Variants in CCR5AS observed in about 807,000 individuals in gnomAD.
The protein encoded by CCR5AS is CCR5 antisense RNA.
At chr3:46,383,630 G>A (rs888778600) in intron 2 of CCR5AS, among the ~76,000 whole-genome samples, 3 of 152,174 alleles carry the variant, frequency 2.0e-5, no homozygotes, top group Admixed American at 6.5e-5. Flanking sequence ...GGCCAGGGAT[G>A]GCCAGGGGTA....
At chr3:46,388,877 G>A (rs1701884100) in intron 2 of CCR5AS, among the ~76,000 whole-genome samples, 1 of 152,182 alleles carries the variant, frequency 6.6e-6, no homozygotes, top group African/African-American at 2.4e-5. Flanking sequence ...ATTGGAGGGT[G>A]CCCTGTCAGC....
At chr3:46,372,822 T>C in intron 2 of CCR5AS, 1 of 1,068,558 alleles carries the variant, frequency 9.4e-7, no homozygotes, top group Non-Finnish European at 1.4e-6. Flanking sequence ...TATAAAACAG[T>C]TTGCATTCAT....
intron 2 of CCR5AS, among the ~76,000 whole-genome samples, chr3:46,378,539 A>C (rs892729813): frequency 2.0e-5 from 3 of 152,178 alleles, no homozygotes; most frequent in African/African-American, 4.8e-5. Context: ...GCCTTGGGTC[A>C]TACTGCCCCC....
chr3:46,389,530 G>A (rs1701892743), intron 2 of CCR5AS, among the ~76,000 whole-genome samples: 1 of 152,176 alleles, frequency 6.6e-6, no homozygotes, highest in Non-Finnish European at 1.5e-5. Flanking sequence ...AGGACTGGAA[G>A]ATAAAGGCAA....
At chr3:46,396,351 C>A (rs141066205) in intron 1 of CCR5AS, among the ~76,000 whole-genome samples, 1 of 152,130 alleles carries the variant, frequency 6.6e-6, no homozygotes, top group Non-Finnish European at 1.5e-5. Context: ...CTCCTGTGCA[C>A]GTGACTTCCT....
intron 1 of CCR5AS, among the ~76,000 whole-genome samples, chr3:46,406,259 G>A (rs1366679540): frequency 4.6e-5 from 7 of 152,108 alleles, no homozygotes; most frequent in African/African-American, 1.7e-4. Flanking sequence ...GTGGGAAAAG[G>A]ATGTCATTTA....
chr3:46,383,574 A>G (rs1475926592), intron 2 of CCR5AS, among the ~76,000 whole-genome samples: 1 of 152,088 alleles, frequency 6.6e-6, no homozygotes, highest in Non-Finnish European at 1.5e-5. Context: ...GTGCCTATGC[A>G]AAGGAGAGCA....
At chr3:46,369,516 T>A (rs1701633964) in intron 3 of CCR5AS, among the ~76,000 whole-genome samples, 1 of 152,134 alleles carries the variant, frequency 6.6e-6, no homozygotes. Flanking sequence ...TTCTTTCTAT[T>A]CTCCAAGCAC....
intron 1 of CCR5AS, among the ~76,000 whole-genome samples, chr3:46,395,704 C>T (rs909883852): frequency 6.6e-6 from 1 of 152,166 alleles, no homozygotes; most frequent in African/African-American, 2.4e-5. Context: ...ACAACTTCTG[C>T]CCCCAAGCCC....
chr3:46,364,449 GA>G (rs544993019), exon 4 of CCR5AS, among the ~76,000 whole-genome samples: 2 of 152,098 alleles, frequency 1.3e-5, no homozygotes, highest in Non-Finnish European at 2.9e-5. Context: ...CTATTGCTCA[GA>G]AAAAAAGATT....
At chr3:46,387,482 T>A (rs950136999) in intron 2 of CCR5AS, among the ~76,000 whole-genome samples, 1 of 152,174 alleles carries the variant, frequency 6.6e-6, no homozygotes, top group African/African-American at 2.4e-5. Context: ...ATTCTCAGAA[T>A]GAAGTAGTTC....
rs143259062 is a variant in CCR5AS, at chr3:46,386,171, C to G, written n.391+6654G>C. Among the ~76,000 whole-genome samples the G allele has an allele frequency of 3.3e-3, 502 of 152,238 alleles. 6 individuals are homozygous for G. The highest frequency in any genetic ancestry group is 0.012 in the African/African-American group (487 of 41,538). ...ACTCAGGTGATCAGCCTGCCTCCACCTTCCAAAGTGCTAGGATTACAGGAA... is the reference window on the plus strand; with the variant it reads ...ACTCAGGTGATCAGCCTGCCTCCACGTTCCAAAGTGCTAGGATTACAGGAA... On this transcript the variant is annotated intron_variant and non_coding_transcript_variant, in intron 2 of 3. Transcript: ENST00000451485.
chr3:46,372,953 G>T, intron 2 of CCR5AS: 2 of 1,611,500 alleles, frequency 1.2e-6, no homozygotes, highest in Non-Finnish European at 1.7e-6. Flanking sequence ...ATTATACATC[G>T]GAGCCCTGCC....
chr3:46,406,585 C>T (rs990326495), intron 1 of CCR5AS, among the ~76,000 whole-genome samples: 6 of 152,284 alleles, frequency 3.9e-5, no homozygotes, highest in Non-Finnish European at 8.8e-5. Context: ...TCCCACCCAA[C>T]TTGATGTCGC....
chr3:46,389,690 G>A (rs1454837192), intron 2 of CCR5AS, among the ~76,000 whole-genome samples: 1 of 152,162 alleles, frequency 6.6e-6, no homozygotes, highest in Non-Finnish European at 1.5e-5. Flanking sequence ...GGAAGAATGG[G>A]GAAAAGACTT....
At chr3:46,373,757 T>C (rs772758049) in intron 2 of CCR5AS, 68 of 1,613,722 alleles carry the variant, frequency 4.2e-5, no homozygotes, top group Non-Finnish European at 5.2e-5. Context: ...CAGAGACTCT[T>C]GGGATGACGC....
At chr3:46,394,102 C>A (rs1701939251) in intron 1 of CCR5AS, among the ~76,000 whole-genome samples, 1 of 152,310 alleles carries the variant, frequency 6.6e-6, no homozygotes, top group Middle Eastern at 3.4e-3. Context: ...GATGACAGTT[C>A]CACCAGGAGA....
Position 46,397,789 on chromosome 3 carries a change from G to A in CCR5AS, n.164-4737C>T, listed in dbSNP as rs552754282. Among the ~76,000 whole-genome samples the A allele has an allele frequency of 2.7e-4, 41 of 152,350 alleles. 2 individuals carry two copies. In the South Asian group the frequency reaches 8.5e-3, roughly 32 times the overall value. The stretch of plus-strand genomic sequence containing the variant: ...GAGAATGGATATGGAAGGGCAAAAG[G>A]AAGATTTATAAGACAGTGGGCACTA... On this transcript the variant is annotated intron_variant and non_coding_transcript_variant, in intron 1 of 3. Coordinates refer to ENST00000451485, the Ensembl canonical transcript of CCR5AS.
chr3:46,406,129 T>C (rs1013266474), intron 1 of CCR5AS, among the ~76,000 whole-genome samples: 7 of 152,122 alleles, frequency 4.6e-5, no homozygotes, highest in African/African-American at 1.7e-4. Context: ...TCCCACCTCA[T>C]ACTTCTGAGT....
Sources: allele counts gnomAD v4.1 joint callset (sites outside exome capture counted in the v4.1 genomes callset), GRCh38; gene constraint gnomAD v4.1.1; transcripts MANE v1.5; gene names NCBI Gene and HGNC (gene_info 2026-07-23, HGNC 2026-07-21).